Variants in KCNQ3 observed in about 807,000 individuals in gnomAD.
The protein encoded by KCNQ3 is potassium voltage-gated channel subfamily KQT member 3.
Under a neutral mutation model 92.5 loss-of-function variants are expected in KCNQ3, and 30 were observed. The ratio of observed to expected loss-of-function variants is 0.32; its 90% CI spans 0.24 to 0.44. The LOEUF (loss-of-function observed/expected upper bound fraction) is 0.44. KCNQ3 is among the 20% of genes least tolerant of loss of function. The pLI is 1.00. For missense variants in KCNQ3, 913 were observed against 1,140.3 expected (o/e 0.80, Z 2.87); for synonymous variants, 450 against 468.8 (o/e 0.96, Z 0.52).
At chr8:132,396,222 A>G (rs932436804) in intron 1 of KCNQ3, among the ~76,000 whole-genome samples, 1 of 152,142 alleles carries the variant, frequency 6.6e-6, no homozygotes, top group Admixed American at 6.5e-5. Context: ...GCCCCATTGA[A>G]CAGAGCAGAT....
intron 1 of KCNQ3, among the ~76,000 whole-genome samples, chr8:132,331,637 A>G (rs1363836879): frequency 1.3e-5 from 2 of 152,140 alleles, no homozygotes; most frequent in Non-Finnish European, 2.9e-5. Context: ...AAAAATATCT[A>G]TTGAGCACCC....
At chr8:132,360,180 A>G (rs1034596792) in intron 1 of KCNQ3, among the ~76,000 whole-genome samples, 4 of 152,204 alleles carry the variant, frequency 2.6e-5, no homozygotes, top group African/African-American at 9.7e-5. Context: ...CTAGCAGTCC[A>G]GCCCCTCAGA....
At chr8:132,349,497 A>G (rs575702525) in intron 1 of KCNQ3, among the ~76,000 whole-genome samples, 1 of 152,236 alleles carries the variant, frequency 6.6e-6, no homozygotes, top group African/African-American at 2.4e-5. Flanking sequence ...TGTTCCTTCA[A>G]TCTGGACTTG....
intron 1 of KCNQ3, among the ~76,000 whole-genome samples, chr8:132,302,812 C>T (rs1022134517): frequency 6.6e-6 from 1 of 152,208 alleles, no homozygotes; most frequent in Non-Finnish European, 1.5e-5. Flanking sequence ...CATCCCAAGA[C>T]CTCTCAGCAT....
chr8:132,134,747 G>GTTA (rs1825023079), intron 12 of KCNQ3, among the ~76,000 whole-genome samples: 1 of 149,368 alleles, frequency 6.7e-6, no homozygotes. Context: ...GCTGCATCTT[G>GTTA]TTATTTTTTT....
intron 1 of KCNQ3, among the ~76,000 whole-genome samples, chr8:132,462,991 A>G (rs1822096076): frequency 6.6e-6 from 1 of 152,164 alleles, no homozygotes; most frequent in Non-Finnish European, 1.5e-5. Context: ...CAAGACACAC[A>G]TACACAGACA....
chr8:132,265,174 G>T (rs539842881), intron 1 of KCNQ3, among the ~76,000 whole-genome samples: 1 of 152,280 alleles, frequency 6.6e-6, no homozygotes, highest in Admixed American at 6.5e-5. Context: ...TATTTTTAAG[G>T]CATTCTAGAA....
chr8:132,253,262 G>A (rs1815475186), intron 1 of KCNQ3, among the ~76,000 whole-genome samples: 1 of 152,162 alleles, frequency 6.6e-6, no homozygotes, highest in African/African-American at 2.4e-5. Context: ...GAGATTAGAT[G>A]TGGGCACTAC....
At chr8:132,289,267 G>A (rs552706754) in intron 1 of KCNQ3, among the ~76,000 whole-genome samples, 1 of 152,312 alleles carries the variant, frequency 6.6e-6, no homozygotes, top group South Asian at 2.1e-4. Context: ...GGATTTTAAT[G>A]GTTAGCACTT....
chr8:132,168,637 T>C (rs1200397695), intron 8 of KCNQ3, among the ~76,000 whole-genome samples: 2 of 152,072 alleles, frequency 1.3e-5, no homozygotes, highest in Non-Finnish European at 2.9e-5. Context: ...GAAGGTTTTA[T>C]GCCGGAAAAT....
At chr8:132,149,691 C>T (rs561357944) in intron 9 of KCNQ3, among the ~76,000 whole-genome samples, 7 of 152,322 alleles carry the variant, frequency 4.6e-5, no homozygotes, top group South Asian at 4.1e-4. Flanking sequence ...CAGACACGCG[C>T]GCGGGACAGT....
intron 9 of KCNQ3, among the ~76,000 whole-genome samples, chr8:132,142,706 G>C (rs1825334107): frequency 6.6e-6 from 1 of 152,202 alleles, no homozygotes; most frequent in African/African-American, 2.4e-5. Context: ...ATGAATATGG[G>C]TGATCAAATC....
chr8:132,184,250 A>T lies in KCNQ3; in HGVS notation c.595T>A (p.Cys199Ser). 6.2e-7 allele frequency: 1 copy of T among 1,614,194 alleles called. No homozygotes were observed. Among genetic ancestry groups the T allele is most frequent in the Non-Finnish European group, 8.5e-7 (1 of 1,180,042 alleles). ...CAGGGTCAGGACTTACCCAACATGC[A>T]CAGGGGCTTCCTGGCAAACTTCAGT... ...GRLKFARKPL[C>S]MLDIFVLIAS... The change falls in exon 3 of 15, where the codon TGC (cysteine) becomes AGC (serine). Residue 199 changes from cysteine (C) to serine (S), a missense_variant. This residue lies in a region of KCNQ3 where 100 missense variants were observed against 217.6 expected (regional missense o/e 0.46). Transcript: ENST00000388996.
chr8:132,223,600 G>A (rs1177567295), intron 1 of KCNQ3, among the ~76,000 whole-genome samples: 1 of 152,140 alleles, frequency 6.6e-6, no homozygotes, highest in African/African-American at 2.4e-5. Flanking sequence ...CTATTATTTA[G>A]TGCAATGAAT....
intron 1 of KCNQ3, among the ~76,000 whole-genome samples, chr8:132,313,477 G>T (rs750992073): frequency 6.6e-6 from 1 of 152,154 alleles, no homozygotes; most frequent in African/African-American, 2.4e-5. Flanking sequence ...AACCCACAAT[G>T]ACTTAAATAG....
At position 132,294,723 on chromosome 8, in the gene KCNQ3, G is replaced by A. The variant is rs1032096936; in HGVS notation, c.387-108542C>T. 2.0e-5 allele frequency among the ~76,000 whole-genome samples: 3 copies of A among 152,280 alleles called. No individual in the cohort carries two copies. In the South Asian group the frequency reaches 6.2e-4, roughly 32 times the overall value. On this transcript the variant is annotated intron_variant, in intron 1 of 14. Transcript: ENST00000388996. ...CACCCAGAGTGATGCCCACCCCATA[G>A]GAGTACAGATCAGATAAACTGCTAG...
At chr8:132,244,636 GT>G (rs1456907125) in intron 1 of KCNQ3, among the ~76,000 whole-genome samples, 1 of 152,154 alleles carries the variant, frequency 6.6e-6, no homozygotes, top group Non-Finnish European at 1.5e-5. Context: ...CAAAATCTAT[GT>G]TTGGGAAAAT....
intron 1 of KCNQ3, among the ~76,000 whole-genome samples, chr8:132,396,608 A>G (rs1374806004): frequency 1.3e-5 from 2 of 152,202 alleles, no homozygotes; most frequent in African/African-American, 4.8e-5. Context: ...GGACAGTTGT[A>G]GCGGGTAAGA....
At chr8:132,251,237 A>C (rs1283698833) in intron 1 of KCNQ3, among the ~76,000 whole-genome samples, 1 of 152,192 alleles carries the variant, frequency 6.6e-6, no homozygotes, top group African/African-American at 2.4e-5. Context: ...ACTGCACTCC[A>C]ATCTGGATGA....
Sources: allele counts gnomAD v4.1 joint callset (sites outside exome capture counted in the v4.1 genomes callset), GRCh38; gene constraint gnomAD v4.1.1; regional missense constraint gnomAD v4.1.1; transcripts MANE v1.5; gene names NCBI Gene and HGNC (gene_info 2026-07-23, HGNC 2026-07-21).